TBPL1: variants seen among roughly 807,000 people sequenced by gnomAD.
The protein encoded by TBPL1 is TATA box-binding protein-like 1.
In TBPL1, 4 loss-of-function variants were observed where a neutral mutation model predicts 22.1. That is an observed-to-expected ratio of 0.18 (90% CI 0.09 to 0.41). TBPL1 has a LOEUF of 0.41. TBPL1 is among the 10% of genes least tolerant of loss of function. The pLI is 1.00. For synonymous variants in TBPL1, 64 were observed against 71.0 expected (o/e 0.90, Z 0.50); for missense variants, 115 against 222.3 (o/e 0.52, Z 3.07).
chr6:133,952,773 G>C (rs1456831789), upstream of TBPL1: 1 of 152,110 alleles, frequency 6.6e-6, no homozygotes, highest in Admixed American at 6.5e-5. This position sits in a 1 kb window ranked among gnomAD's most constrained non-coding sequence, Gnocchi z 4.5. Context: ...GGGTGGGGAG[G>C]ACCTTTTGTA....
intron 1 of TBPL1, among the ~76,000 whole-genome samples, chr6:133,959,863 G>A (rs1775991383): frequency 6.6e-6 from 1 of 152,198 alleles, no homozygotes; most frequent in African/African-American, 2.4e-5. Flanking sequence ...AAGTCAATGT[G>A]TAACCCAAAA....
chr6:133,974,812 C>T (rs1412025686), intron 1 of TBPL1, among the ~76,000 whole-genome samples: 1 of 152,176 alleles, frequency 6.6e-6, no homozygotes, highest in Non-Finnish European at 1.5e-5. Flanking sequence ...TAAGTGTCAT[C>T]TTATTCTTTT....
rs944944128 is a variant in TBPL1 at position 133,982,855 on chromosome 6, G to A, written c.257G>A (p.Arg86His). Residue 86 changes from arginine (R) to histidine (H), a missense_variant, in exon 4 of 7, where the codon CGT (arginine) becomes CAT (histidine). By Grantham distance (29) the Arg-to-His change is conservative (BLOSUM62 0). Coordinates refer to ENST00000237264, the MANE Select transcript of TBPL1 (RefSeq NM_004865.4). ...EAKFGARRLA[R>H]SLQKLGFQVI... Reference sequence around the variant, plus strand: ...AAATTTGGTGCCAGACGCTTAGCCCGTAGTCTGCAGAAACTAGGTTTTCAG... The same window carrying A: ...AAATTTGGTGCCAGACGCTTAGCCCATAGTCTGCAGAAACTAGGTTTTCAG... 1.2e-6 allele frequency: 2 copies of A among 1,610,074 alleles called. No homozygotes were observed. The highest frequency in any genetic ancestry group is 1.3e-5 in the African/African-American group (1 of 74,638).
intron 6 of TBPL1, 172 bp downstream of exon 6, chr6:133,984,843 T>C (rs1776479575): frequency 1.7e-6 from 1 of 574,542 alleles, no homozygotes; most frequent in African/African-American, 1.9e-5. Flanking sequence ...TTTGTACTAT[T>C]TATAAATGTT....
intron 1 of TBPL1, among the ~76,000 whole-genome samples, chr6:133,953,983 A>T (rs375955858): frequency 2.0e-5 from 3 of 152,138 alleles, no homozygotes; most frequent in African/African-American, 7.2e-5. Context: ...ATGGAGAAGG[A>T]TCTAGAACTG....
intron 1 of TBPL1, among the ~76,000 whole-genome samples, chr6:133,963,875 A>C (rs974911770): frequency 1.1e-4 from 13 of 118,558 alleles, no homozygotes; most frequent in African/African-American, 5.3e-4. Context: ...CTAAAAATAC[A>C]AAAAAAAAAA....
rs1776294742 is a variant in TBPL1, at chr6:133,975,312, A to G, written c.-44-4770A>G. ...ATGCCCAGTAAATTTTAAAATTTAG[A>G]AGAAATGGAAAATTTAATTAAGCAA... On this transcript the variant is annotated intron_variant, in intron 1 of 6. Coordinates refer to ENST00000237264, the MANE Select transcript of TBPL1 (RefSeq NM_004865.4). Among the ~76,000 whole-genome samples the G allele has an allele frequency of 2.0e-5, 3 of 152,170 alleles. No individual in the cohort carries two copies. The South Asian group carries it at 6.2e-4, about 31-fold the overall frequency.
Position 133,980,269 on chromosome 6 carries a change from C to CTT in TBPL1, c.135+10_135+11insTT, listed in dbSNP as rs775807247. ...ATAAACGTGATGTTGGAGTAAGTATCTGAGTTTTCGTATTTGTACTACATA... is the reference window on the plus strand; with the variant it reads ...ATAAACGTGATGTTGGAGTAAGTATCTTTGAGTTTTCGTATTTGTACTACATA... On this transcript the variant is annotated intron_variant, in intron 2 of 6. Transcript: ENST00000237264. 1.3e-6 allele frequency: 2 copies of CTT among 1,598,710 alleles called. No individual in the cohort carries two copies. Among genetic ancestry groups the CTT allele is most frequent in the South Asian group, 2.3e-5 (2 of 87,680 alleles).
At chr6:133,983,253 A>G (rs1447873780) in intron 4 of TBPL1, among the ~76,000 whole-genome samples, 1 of 152,226 alleles carries the variant, frequency 6.6e-6, no homozygotes, top group Non-Finnish European at 1.5e-5. Context: ...GTTGACATGG[A>G]CACACCAGCT....
chr6:133,980,603 A>G (rs920398661), intron 2 of TBPL1, among the ~76,000 whole-genome samples: 4 of 151,696 alleles, frequency 2.6e-5, no homozygotes, highest in Non-Finnish European at 4.4e-5. Flanking sequence ...ATGCCTTAAT[A>G]TATATTATAA....
chr6:133,970,369 G>A (rs550175166), intron 1 of TBPL1, among the ~76,000 whole-genome samples: 1 of 152,192 alleles, frequency 6.6e-6, no homozygotes, highest in Non-Finnish European at 1.5e-5. Context: ...CAATAGCAAA[G>A]GCTATTACTC....
At chr6:133,975,012 A>G (rs961777387) in intron 1 of TBPL1, among the ~76,000 whole-genome samples, 1 of 152,236 alleles carries the variant, frequency 6.6e-6, no homozygotes, top group African/African-American at 2.4e-5. Context: ...GTTAAAAACT[A>G]AAGTATTAAG....
rs199686928 is a variant in TBPL1 at position 133,984,500 on chromosome 6, A to G, written c.386+21A>G. 91 of 1,611,624 alleles carry G rather than the reference A, an allele frequency of 5.6e-5. No individual in the cohort carries two copies. The East Asian group carries it at 1.2e-3, about 21-fold the overall frequency. The stretch of plus-strand genomic sequence containing the variant: ...GCCAGGTAAGTCTTTGAAGCAATTT[A>G]TCTTGAGAAATTACCAAATTTGAAA... On this transcript the variant is annotated intron_variant, in intron 5 of 6. Transcript: ENST00000237264.
chr6:133,952,298 C>T (rs1224434426), upstream of TBPL1: 2 of 152,434 alleles, frequency 1.3e-5, no homozygotes, highest in East Asian at 1.9e-4. This position sits in a 1 kb window ranked among gnomAD's most constrained non-coding sequence, Gnocchi z 4.5. Flanking sequence ...GTCCCCCGGC[C>T]CCTGCAGGGC....
chr6:133,960,622 G>T (rs866778698), intron 1 of TBPL1, among the ~76,000 whole-genome samples: 1 of 152,122 alleles, frequency 6.6e-6, no homozygotes, highest in African/African-American at 2.4e-5. Flanking sequence ...AGTTTCAAAT[G>T]CCTGAAACAA....
At chr6:133,979,717 GC>G (rs1257486558) in intron 1 of TBPL1, among the ~76,000 whole-genome samples, 1 of 152,200 alleles carries the variant, frequency 6.6e-6, no homozygotes, top group East Asian at 1.9e-4. Context: ...TACGATCTCG[GC>G]TCACTGCAAC....
At chr6:133,980,341 A>G (rs1776387057) in intron 2 of TBPL1, 81 bp downstream of exon 2, 2 of 1,436,526 alleles carry the variant, frequency 1.4e-6, no homozygotes, top group South Asian at 1.6e-5. Flanking sequence ...TATTCATTCT[A>G]CAGATAGTTT....
rs1216511561 is a variant in TBPL1 at position 133,987,753 on chromosome 6, G to A, written c.*713G>A. 2.6e-5 allele frequency: 4 copies of A among 152,022 alleles called. No individual in the cohort carries two copies. The highest frequency in any genetic ancestry group is 6.6e-5 in the Admixed American group (1 of 15,204). 9.4% of individuals were successfully genotyped at this position (152,022 alleles called of 1,614,324 possible). A position where few individuals can be genotyped will look rare whatever the true frequency, so the allele number is the denominator to read the frequency against. On this transcript the variant is annotated 3_prime_UTR_variant, in exon 7 of 7. Transcript: ENST00000237264. ...TTTCTTGCAGATTAGAAATAAAAAC[G>A]TGTATATAAACTCTAGGGAACCAGA...
At chr6:133,966,627 C>T (rs1167739026) in intron 1 of TBPL1, among the ~76,000 whole-genome samples, 1 of 152,180 alleles carries the variant, frequency 6.6e-6, no homozygotes, top group East Asian at 1.9e-4. Flanking sequence ...GTTAACCCCT[C>T]CTACCTTTCT....
Sources: gnomAD v4.1 joint callset for allele counts (sites outside exome capture counted in the v4.1 genomes callset) on GRCh38, gnomAD v4.1.1 for gene constraint, Gnocchi (gnomAD v3.1) non-coding constraint, MANE v1.5 for transcripts, NCBI Gene and HGNC (gene_info 2026-07-23, HGNC 2026-07-21) for gene names.